Variants in UNC5C observed in about 807,000 individuals in gnomAD.
The protein encoded by UNC5C is netrin receptor UNC5C.
In UNC5C, 47 loss-of-function variants were observed where a neutral mutation model predicts 99.8. The observed-to-expected ratio is 0.47, with a 90% CI of 0.37 to 0.60. The LOEUF (loss-of-function observed/expected upper bound fraction) is 0.60, where lower values mean the gene tolerates loss of function less well. Among genes scored for constraint, UNC5C ranks in the 20% least tolerant of loss-of-function variants. UNC5C has a pLI of 0.00. For missense variants in UNC5C, 1,062 were observed against 1,165.9 expected (o/e 0.91, Z 1.30); for synonymous variants, 487 against 452.2 (o/e 1.08, Z -0.98).
intron 1 of UNC5C, among the ~76,000 whole-genome samples, chr4:95,441,808 G>T (rs1233025725): frequency 6.6e-6 from 1 of 152,188 alleles, no homozygotes; most frequent in Non-Finnish European, 1.5e-5. Flanking sequence ...TATATCTAGT[G>T]AATGGTACAG....
At chr4:95,475,364 A>G (rs1282045017) in intron 1 of UNC5C, among the ~76,000 whole-genome samples, 2 of 151,928 alleles carry the variant, frequency 1.3e-5, no homozygotes, top group African/African-American at 4.8e-5. Flanking sequence ...AAGTTGCTTC[A>G]ATTTCCCAAT....
chr4:95,432,751 G>A (rs1018216042), intron 1 of UNC5C, among the ~76,000 whole-genome samples: 1 of 152,054 alleles, frequency 6.6e-6, no homozygotes, highest in Non-Finnish European at 1.5e-5. Flanking sequence ...ATCAATAAAA[G>A]GGAAATGTTT....
Position 95,548,898 on chromosome 4 carries a change from G to A in UNC5C, c.-41C>T, listed in dbSNP as rs201546469. ...GCCGGGGGGAGGGGAGGGGGACAGAGAGACGCGCAAACAGCTGAAAGCCCC... is the reference window on the plus strand; with the variant it reads ...GCCGGGGGGAGGGGAGGGGGACAGAAAGACGCGCAAACAGCTGAAAGCCCC... On this transcript the variant is annotated 5_prime_UTR_variant, in exon 1 of 16. Coordinates refer to ENST00000453304, the MANE Select transcript of UNC5C (RefSeq NM_003728.4). The A allele has an allele frequency of 6.2e-7, 1 of 1,609,100 alleles. No homozygotes were observed. Among genetic ancestry groups the A allele is most frequent in the Non-Finnish European group, 8.5e-7 (1 of 1,178,066 alleles).
intron 1 of UNC5C, among the ~76,000 whole-genome samples, chr4:95,430,095 A>T (rs986010744): frequency 6.6e-6 from 1 of 152,092 alleles, no homozygotes; most frequent in African/African-American, 2.4e-5. Flanking sequence ...ACATGTTGTT[A>T]TACATTGGCC....
At chr4:95,275,505 G>T (rs1291373320) in intron 4 of UNC5C, among the ~76,000 whole-genome samples, 2 of 152,000 alleles carry the variant, frequency 1.3e-5, no homozygotes, top group African/African-American at 4.8e-5. Context: ...TAAATACTTT[G>T]GCCAAAGTAA....
At chr4:95,277,354 G>A (rs1266255681) in intron 4 of UNC5C, among the ~76,000 whole-genome samples, 4 of 152,228 alleles carry the variant, frequency 2.6e-5, no homozygotes, top group Non-Finnish European at 5.9e-5. Flanking sequence ...TGGCAGCTAT[G>A]CCACTTGTCA....
chr4:95,395,266 A>G (rs1434909217), intron 1 of UNC5C, among the ~76,000 whole-genome samples: 2 of 152,188 alleles, frequency 1.3e-5, no homozygotes, highest in Non-Finnish European at 2.9e-5. Context: ...TGAATTTACT[A>G]CCTTACTTTT....
chr4:95,245,749 A>G (rs1467063059), intron 5 of UNC5C, among the ~76,000 whole-genome samples: 3 of 152,220 alleles, frequency 2.0e-5, no homozygotes, highest in Non-Finnish European at 4.4e-5. Flanking sequence ...TACTTTGTGT[A>G]TAAAGGCCAA....
intron 1 of UNC5C, among the ~76,000 whole-genome samples, chr4:95,491,147 A>G (rs1721479287): frequency 6.6e-6 from 1 of 151,626 alleles, no homozygotes; most frequent in Non-Finnish European, 1.5e-5. Flanking sequence ...TGACGGGCCA[A>G]AAAAGTGGGT....
In UNC5C at chr4:95,334,662, AT is replaced by A. The variant is rs540207501; in HGVS notation, c.346+747del. ...AGAAAATTGCTATCCTTTATATCTA[AT>A]TGAAATCCCACAGGTTATTAGAATC... On this transcript the variant is annotated intron_variant, in intron 2 of 15. Transcript: ENST00000453304. Among the ~76,000 whole-genome samples, 116 of 152,028 alleles carry A rather than the reference AT, an allele frequency of 7.6e-4. No homozygotes were observed. In the Middle Eastern group the frequency reaches 0.01, roughly 13 times the overall value.
At chr4:95,227,213 G>C (rs1160451218) in intron 7 of UNC5C, among the ~76,000 whole-genome samples, 1 of 151,378 alleles carries the variant, frequency 6.6e-6, no homozygotes, top group African/African-American at 2.4e-5. Context: ...GCAGTGGTGT[G>C]ATCATAGCTC....
chr4:95,257,872 A>G (rs115759895), intron 4 of UNC5C, among the ~76,000 whole-genome samples: 1,852 of 152,350 alleles, frequency 0.012, 37 homozygotes, highest in African/African-American at 0.042. Flanking sequence ...CATGGCTGCA[A>G]CAACATTTAT....
At chr4:95,480,888 C>T (rs1721129595) in intron 1 of UNC5C, among the ~76,000 whole-genome samples, 1 of 151,508 alleles carries the variant, frequency 6.6e-6, no homozygotes, top group African/African-American at 2.4e-5. Context: ...TATGACAAAC[C>T]CACAGCCAAT....
chr4:95,520,763 T>C (rs1011802817), intron 1 of UNC5C, among the ~76,000 whole-genome samples: 25 of 151,962 alleles, frequency 1.6e-4, no homozygotes, highest in Admixed American at 1.6e-3. Context: ...CACGCCCAGC[T>C]AATTTTTTGT....
chr4:95,271,947 C>T (rs969236407), intron 4 of UNC5C, among the ~76,000 whole-genome samples: 2 of 152,148 alleles, frequency 1.3e-5, no homozygotes, highest in African/African-American at 4.8e-5. Flanking sequence ...ATCACCTCCT[C>T]CTGAGGGTAC....
chr4:95,334,790 G>A lies in UNC5C; in HGVS notation c.346+620C>T, dbSNP rs373027964. On this transcript the variant is annotated intron_variant, in intron 2 of 15. Transcript: ENST00000453304. ...ACCAAGCCAGGGGCAAAGATAATCA[G>A]ATCAAGACCCTCTGAGAAAGGGCTA... Among the ~76,000 whole-genome samples, 8 of 152,000 alleles carry A rather than the reference G, an allele frequency of 5.3e-5. No homozygotes were observed. The South Asian group carries it at 1.7e-3, about 32-fold the overall frequency.
At chr4:95,365,387 A>C (rs1744526870) in intron 1 of UNC5C, among the ~76,000 whole-genome samples, 1 of 147,928 alleles carries the variant, frequency 6.8e-6, no homozygotes, top group South Asian at 2.1e-4. Flanking sequence ...TATAATACAA[A>C]AATTTAATAT....
intron 1 of UNC5C, among the ~76,000 whole-genome samples, chr4:95,449,552 A>G (rs1185956789): frequency 6.6e-6 from 1 of 152,222 alleles, no homozygotes; most frequent in Non-Finnish European, 1.5e-5. Flanking sequence ...ATGTTTCCCC[A>G]GAAGAATGCC....
chr4:95,329,453 A>G (rs1743027789), intron 2 of UNC5C, among the ~76,000 whole-genome samples: 1 of 152,186 alleles, frequency 6.6e-6, no homozygotes, highest in Non-Finnish European at 1.5e-5. Flanking sequence ...TATACCTTTC[A>G]ATATTGATGG....
Sources: allele counts gnomAD v4.1 joint callset (sites outside exome capture counted in the v4.1 genomes callset), GRCh38; gene constraint gnomAD v4.1.1; transcripts MANE v1.5; gene names NCBI Gene and HGNC (gene_info 2026-07-23, HGNC 2026-07-21).